MYO5B: variants seen among roughly 807,000 people sequenced by gnomAD.
The protein encoded by MYO5B is unconventional myosin-Vb.
In MYO5B, 143 loss-of-function variants were observed where a neutral mutation model predicts 229.3. The observed-to-expected ratio is 0.62, with a 90% CI of 0.54 to 0.72. The LOEUF (loss-of-function observed/expected upper bound fraction) is 0.72, where lower values mean the gene tolerates loss of function less well. MYO5B is among the 30% of genes least tolerant of loss of function. The pLI is 0.00. For synonymous variants in MYO5B, 918 were observed against 885.2 expected (o/e 1.04, Z -0.66); for missense variants, 2,321 against 2,331.0 (o/e 1.00, Z 0.09).
At chr18:49,869,116 G>GACTT (rs2024429459) in intron 27 of MYO5B, among the ~76,000 whole-genome samples, 1 of 152,132 alleles carries the variant, frequency 6.6e-6, no homozygotes, top group Non-Finnish European at 1.5e-5. Context: ...TTAGTGCTTT[G>GACTT]ACTTACCTGC....
At chr18:50,017,584 C>T (rs531110069) in intron 4 of MYO5B, among the ~76,000 whole-genome samples, 2 of 152,236 alleles carry the variant, frequency 1.3e-5, no homozygotes, top group South Asian at 2.1e-4. Flanking sequence ...TTGACCATTA[C>T]GAATAACGCT....
At chr18:49,922,081 C>T (rs2025081492) in intron 17 of MYO5B, among the ~76,000 whole-genome samples, 1 of 152,208 alleles carries the variant, frequency 6.6e-6, no homozygotes, top group East Asian at 1.9e-4. Context: ...TTATCCAGCA[C>T]CCAACTCAGG....
chr18:49,914,200 CT>C (rs2024988063), intron 17 of MYO5B, among the ~76,000 whole-genome samples: 1 of 152,186 alleles, frequency 6.6e-6, no homozygotes, highest in Non-Finnish European at 1.5e-5. Context: ...GCTCCCACCC[CT>C]AGATGCTGCT....
chr18:50,069,892 TATTC>T (rs1422760174), intron 1 of MYO5B, among the ~76,000 whole-genome samples: 1 of 152,126 alleles, frequency 6.6e-6, no homozygotes, highest in Non-Finnish European at 1.5e-5. Context: ...CATCCCTATT[TATTC>T]AGGCACCTAG....
chr18:50,160,721 C>A (rs893581076), intron 1 of MYO5B, among the ~76,000 whole-genome samples: 1 of 152,162 alleles, frequency 6.6e-6, no homozygotes, highest in African/African-American at 2.4e-5. Flanking sequence ...AAACTTTCAC[C>A]CACTCATCCT....
At chr18:49,935,852 T>C (rs1051708352) in intron 16 of MYO5B, among the ~76,000 whole-genome samples, 8 of 152,258 alleles carry the variant, frequency 5.3e-5, no homozygotes, top group Non-Finnish European at 7.3e-5. Flanking sequence ...ACCATGTTCA[T>C]GTCCTATCGT....
intron 1 of MYO5B, among the ~76,000 whole-genome samples, chr18:50,167,054 G>A (rs533709502): frequency 2.6e-4 from 39 of 152,314 alleles, no homozygotes; most frequent in Admixed American, 1.2e-3. Context: ...AGATCTAAAC[G>A]AGTTAACTGA....
intron 3 of MYO5B, 34 bp downstream of exon 3, chr18:50,040,109 C>T (rs1276668084): frequency 6.2e-7 from 1 of 1,612,222 alleles, no homozygotes; most frequent in East Asian, 2.2e-5. Flanking sequence ...AAGCACTTTC[C>T]AACGCATGCA....
At chr18:49,848,807 G>C (rs1172979556) in intron 32 of MYO5B, among the ~76,000 whole-genome samples, 6 of 152,092 alleles carry the variant, frequency 3.9e-5, no homozygotes, top group Non-Finnish European at 8.8e-5. Flanking sequence ...GATATGAAGA[G>C]AAGTGTCCCC....
intron 10 of MYO5B, among the ~76,000 whole-genome samples, chr18:49,971,388 A>G (rs1272211247): frequency 2.0e-5 from 3 of 152,200 alleles, no homozygotes; most frequent in African/African-American, 7.2e-5. Flanking sequence ...TAAGGCAGAT[A>G]AGACACTGTA....
chr18:49,994,911 G>C (rs1311039950), intron 5 of MYO5B, among the ~76,000 whole-genome samples: 1 of 152,136 alleles, frequency 6.6e-6, no homozygotes, highest in African/African-American at 2.4e-5. Flanking sequence ...CCAGGTCCTG[G>C]GCTGGGCCCC....
chr18:49,841,517 G>A, intron 34 of MYO5B, 63 bp from the exon 35 acceptor site: 2 of 1,418,054 alleles, frequency 1.4e-6, no homozygotes, highest in Non-Finnish European at 2.0e-6. Context: ...TGCTTCCTCG[G>A]TACCTCTTTC....
chr18:50,128,805 T>G (rs143495878), intron 1 of MYO5B, among the ~76,000 whole-genome samples: 172 of 152,264 alleles, frequency 1.1e-3, no homozygotes, highest in African/African-American at 3.9e-3. Flanking sequence ...AATGTGAGGA[T>G]AAAATGTGAA....
At chr18:49,892,659 C>T (rs1391627455) in intron 22 of MYO5B, among the ~76,000 whole-genome samples, 3 of 152,132 alleles carry the variant, frequency 2.0e-5, no homozygotes, top group Non-Finnish European at 4.4e-5. Context: ...AAATATTATA[C>T]CCTGAGGAGG....
At chr18:49,902,965 C>T in intron 20 of MYO5B, 132 bp from the exon 21 acceptor site, 1 of 1,141,608 alleles carries the variant, frequency 8.8e-7, no homozygotes, top group Non-Finnish European at 1.2e-6. Context: ...GACAATGTGC[C>T]CCCTAAGATC....
At chr18:49,834,225 TCA>T (rs1278563066) in intron 39 of MYO5B, among the ~76,000 whole-genome samples, 1 of 152,256 alleles carries the variant, frequency 6.6e-6, no homozygotes, top group Non-Finnish European at 1.5e-5. Context: ...CCATGTTTCC[TCA>T]CGTTTCTTCA....
intron 1 of MYO5B, among the ~76,000 whole-genome samples, chr18:50,149,337 T>TA (rs1568125215): frequency 6.6e-6 from 1 of 151,006 alleles, no homozygotes; most frequent in African/African-American, 2.4e-5. Flanking sequence ...AAAACTACTT[T>TA]AAAGTTCATA....
intron 1 of MYO5B, among the ~76,000 whole-genome samples, chr18:50,126,749 A>G (rs539062962): frequency 5.9e-5 from 9 of 152,158 alleles, no homozygotes; most frequent in Non-Finnish European, 1.3e-4. Flanking sequence ...GCATTTTCAC[A>G]CCATCTTCTA....
chr18:50,160,292 G>C (rs1305321970), intron 1 of MYO5B, among the ~76,000 whole-genome samples: 1 of 152,226 alleles, frequency 6.6e-6, no homozygotes, highest in African/African-American at 2.4e-5. Context: ...GCAAGGCTGT[G>C]GAGCAGACTC....
Sources: allele counts gnomAD v4.1 joint callset (sites outside exome capture counted in the v4.1 genomes callset), GRCh38; gene constraint gnomAD v4.1.1; transcripts MANE v1.5; gene names NCBI Gene and HGNC (gene_info 2026-07-23, HGNC 2026-07-21).